Variants in SKAP1 observed in about 807,000 individuals in gnomAD.
The protein encoded by SKAP1 is src kinase associated phosphoprotein 1.
A neutral mutation model predicts 58.5 loss-of-function variants in SKAP1; 44 were observed. That is an observed-to-expected ratio of 0.75 (90% CI 0.59 to 0.97). SKAP1 has a LOEUF of 0.97. Ranked by LOEUF, SKAP1 falls within the 50% of genes least tolerant of loss-of-function variation. SKAP1 has a pLI of 0.00. For synonymous variants in SKAP1, 127 were observed against 149.7 expected, an observed-to-expected ratio of 0.85 and a Z score of 1.11; for missense variants, 390 against 435.2, an observed-to-expected ratio of 0.90 and a Z score of 0.92.
At chr17:48,416,801 C>G (rs2067736593) in intron 1 of SKAP1, among the ~76,000 whole-genome samples, 1 of 152,182 alleles carries the variant, frequency 6.6e-6, no homozygotes, top group African/African-American at 2.4e-5. Context: ...ATTCCCAATT[C>G]CCTGTCACAG....
chr17:48,290,388 T>C (rs569480423), intron 4 of SKAP1, among the ~76,000 whole-genome samples: 9 of 152,348 alleles, frequency 5.9e-5, no homozygotes, highest in Middle Eastern at 3.4e-3. Context: ...TTCCAACTAT[T>C]TAACCCTGGC....
At chr17:48,295,921 A>T (rs1285173485) in intron 4 of SKAP1, among the ~76,000 whole-genome samples, 1 of 152,074 alleles carries the variant, frequency 6.6e-6, no homozygotes, top group Admixed American at 6.6e-5. Context: ...TAAACATATA[A>T]TATATGCAAA....
chr17:48,221,887 T>C (rs1412244276), intron 4 of SKAP1, among the ~76,000 whole-genome samples: 1 of 152,220 alleles, frequency 6.6e-6, no homozygotes, highest in East Asian at 1.9e-4. Flanking sequence ...GAAATATCCC[T>C]AACTCAGTTT....
intron 11 of SKAP1, among the ~76,000 whole-genome samples, chr17:48,159,295 T>C (rs1325566758): frequency 6.6e-6 from 1 of 152,216 alleles, no homozygotes; most frequent in African/African-American, 2.4e-5. Context: ...AATGGGAATG[T>C]CTGAGGTAGA....
Position 48,421,564 on chromosome 17 carries a change from C to T in SKAP1, c.46+8511G>A, listed in dbSNP as rs1178870910. ...AGGTGATCTACCCACCTTGGCCTCC[C>T]GAAGTGCTGGGATTACAGGTGTAAG... On this transcript the variant is annotated intron_variant, in intron 1 of 12. Transcript: ENST00000336915. Among the ~76,000 whole-genome samples, 5 of 152,136 alleles carry T rather than the reference C, an allele frequency of 3.3e-5. No homozygotes were observed. In the East Asian group the frequency reaches 5.8e-4, roughly 18 times the overall value.
intron 2 of SKAP1, among the ~76,000 whole-genome samples, chr17:48,383,045 A>C (rs1041443123): frequency 6.6e-6 from 1 of 152,228 alleles, no homozygotes; most frequent in African/African-American, 2.4e-5. Flanking sequence ...AATATGTCTT[A>C]TCTGACACTG....
chr17:48,428,665 G>T (rs1301851340), intron 1 of SKAP1, among the ~76,000 whole-genome samples: 1 of 152,110 alleles, frequency 6.6e-6, no homozygotes, highest in Admixed American at 6.5e-5. Context: ...CCAATAAAAA[G>T]AATCAGTTTA....
chr17:48,180,644 G>A (rs1201000645), intron 8 of SKAP1, among the ~76,000 whole-genome samples: 2 of 152,140 alleles, frequency 1.3e-5, no homozygotes, highest in Non-Finnish European at 2.9e-5. Context: ...GTCCTCCAGG[G>A]TACTCAGGCC....
chr17:48,162,761 A>C, intron 10 of SKAP1, 192 bp from the exon 11 acceptor site: 1 of 480,622 alleles, frequency 2.1e-6, no homozygotes, highest in East Asian at 3.3e-5. Context: ...TCATTAACTA[A>C]CATTAAATAT....
the SKAP1 span, among the ~76,000 whole-genome samples, chr17:48,436,408 G>GGACTCCC: frequency 1.3e-5 from 2 of 151,944 alleles, no homozygotes; most frequent in Non-Finnish European, 2.9e-5. Context: ...AAATATCCCT[G>GGACTCCC]GACTCCCATT....
chr17:48,212,129 G>C lies in SKAP1; in HGVS notation c.281-22629C>G, dbSNP rs530309332. On this transcript the variant is annotated intron_variant, in intron 4 of 12. Coordinates refer to ENST00000336915, the MANE Select transcript of SKAP1 (RefSeq NM_003726.4). ...TATTGGCAGTCACCTTATGAACCTA[G>C]AATATCCCACTGGAAAGAAAGAAAA... Among the ~76,000 whole-genome samples the C allele has an allele frequency of 1.1e-4, 16 of 151,734 alleles. No individual in the cohort carries two copies. The South Asian group carries it at 3.3e-3, about 32-fold the overall frequency.
intron 2 of SKAP1, among the ~76,000 whole-genome samples, chr17:48,370,484 G>A (rs908523335): frequency 3.3e-5 from 5 of 152,044 alleles, no homozygotes; most frequent in Non-Finnish European, 7.4e-5. Context: ...TGTATTTTTT[G>A]TAGAGACAAG....
chr17:48,176,963 G>A (rs1412774015), intron 9 of SKAP1, among the ~76,000 whole-genome samples: 1 of 152,150 alleles, frequency 6.6e-6, no homozygotes, highest in Non-Finnish European at 1.5e-5. Context: ...AGGATTAGCA[G>A]AACCGTCAAT....
chr17:48,193,941 C>A (rs1042888803), intron 4 of SKAP1, among the ~76,000 whole-genome samples: 27 of 151,874 alleles, frequency 1.8e-4, no homozygotes, highest in Admixed American at 1.4e-3. Flanking sequence ...AAAAAAGAAG[C>A]TTTTTATTCA....
intron 2 of SKAP1, among the ~76,000 whole-genome samples, chr17:48,389,759 T>C (rs1220879204): frequency 1.3e-5 from 2 of 152,126 alleles, no homozygotes; most frequent in Non-Finnish European, 1.5e-5. Flanking sequence ...GAAGAAATGA[T>C]TCACATGGTG....
At chr17:48,261,738 A>G (rs886252154) in intron 4 of SKAP1, among the ~76,000 whole-genome samples, 3 of 152,186 alleles carry the variant, frequency 2.0e-5, no homozygotes, top group African/African-American at 7.2e-5. Context: ...TCCCACATCA[A>G]AAGGGATTTG....
At chr17:48,323,677 G>A (rs1598568568) in intron 4 of SKAP1, among the ~76,000 whole-genome samples, 2 of 152,066 alleles carry the variant, frequency 1.3e-5, no homozygotes, top group East Asian at 3.8e-4. Context: ...GGCTGGAAGA[G>A]TGAGAACACA....
intron 4 of SKAP1, among the ~76,000 whole-genome samples, chr17:48,194,602 C>T (rs1250859976): frequency 6.6e-6 from 1 of 152,154 alleles, no homozygotes; most frequent in Non-Finnish European, 1.5e-5. Context: ...AGGCTGCAGC[C>T]CCTGCAGAAC....
chr17:48,235,948 T>C (rs1035504917), intron 4 of SKAP1, among the ~76,000 whole-genome samples: 3 of 152,304 alleles, frequency 2.0e-5, no homozygotes, highest in African/African-American at 4.8e-5. Context: ...AATGATCCAT[T>C]GATTTAAGAG....
Sources: allele counts gnomAD v4.1 joint callset (sites outside exome capture counted in the v4.1 genomes callset), GRCh38; gene constraint gnomAD v4.1.1; transcripts MANE v1.5; gene names NCBI Gene and HGNC (gene_info 2026-07-23, HGNC 2026-07-21).